The following PEAK1 variants were observed in gnomAD, a reference collection of about 807,000 sequenced individuals.
The protein encoded by PEAK1 is inactive tyrosine-protein kinase PEAK1.
Under a neutral mutation model 124.7 loss-of-function variants are expected in PEAK1, and 54 were observed. The observed-to-expected ratio is 0.43, with a 90% CI of 0.35 to 0.54. The LOEUF is 0.54. Among genes scored for constraint, PEAK1 ranks in the 20% least tolerant of loss-of-function variants. The probability of loss-of-function intolerance (pLI) is 0.01; values close to 1 mark genes in which losing one functional copy is unlikely to be tolerated. For synonymous variants in PEAK1, 719 were observed against 760.0 expected, an observed-to-expected ratio of 0.95 and a Z score of 0.89; for missense variants, 2,046 against 2,134.5, an observed-to-expected ratio of 0.96 and a Z score of 0.82.
chr15:77,258,172 G>A (rs564298058), intron 5 of PEAK1, among the ~76,000 whole-genome samples: 13 of 152,298 alleles, frequency 8.5e-5, no homozygotes, highest in Admixed American at 5.9e-4. Context: ...GATGCCTCCA[G>A]CTTTGTTCTT....
At chr15:77,336,364 G>A (rs1285590151) in intron 2 of PEAK1, 1 of 985,286 alleles carries the variant, frequency 1.0e-6, no homozygotes, top group African/African-American at 1.7e-5. Flanking sequence ...TCTCATTATA[G>A]AGACGTTTAC....
chr15:77,105,317 GGT>G (rs67540842), downstream of PEAK1: 11,587 of 145,010 alleles, frequency 0.08, 1,141 homozygotes, highest in African/African-American at 0.24. Context: ...GCCATTAGTT[GGT>G]GTGTGTGTGT....
chr15:77,294,709 T>C (rs1379369248), intron 2 of PEAK1, among the ~76,000 whole-genome samples: 4 of 152,200 alleles, frequency 2.6e-5, no homozygotes, highest in Non-Finnish European at 5.9e-5. Flanking sequence ...ATACCAATAA[T>C]ATGAATTAAA....
At chr15:77,104,525 G>A (rs887900896), downstream of PEAK1, 11 of 152,402 alleles carry the variant, frequency 7.2e-5, no homozygotes, top group Admixed American at 5.2e-4. Flanking sequence ...GGAACGATGC[G>A]GGTGCAGAGA....
chr15:77,153,385 A>G (rs1405667482), intron 8 of PEAK1, among the ~76,000 whole-genome samples: 1 of 151,382 alleles, frequency 6.6e-6, no homozygotes, highest in African/African-American at 2.4e-5. Flanking sequence ...TCTCTTCTTT[A>G]TTAGTCTTGC....
At chr15:77,336,543 G>A in intron 2 of PEAK1, 1 of 985,280 alleles carries the variant, frequency 1.0e-6, no homozygotes, top group South Asian at 4.7e-5. Flanking sequence ...ATGAAATATA[G>A]AGTCTGTGAA....
intron 5 of PEAK1, among the ~76,000 whole-genome samples, chr15:77,257,577 TG>T (rs1321635558): frequency 1.3e-5 from 2 of 151,764 alleles, no homozygotes; most frequent in African/African-American, 4.9e-5. Flanking sequence ...TGGGGTTGTT[TG>T]TTTTTTTCTT....
intron 2 of PEAK1, among the ~76,000 whole-genome samples, chr15:77,290,451 C>T (rs2063155716): frequency 6.6e-6 from 1 of 152,070 alleles, no homozygotes; most frequent in Non-Finnish European, 1.5e-5. Flanking sequence ...CAGGGTTTCA[C>T]CATGTTGGCC....
At chr15:77,219,213 T>A (rs1040172211) in intron 6 of PEAK1, among the ~76,000 whole-genome samples, 3 of 151,252 alleles carry the variant, frequency 2.0e-5, no homozygotes, top group Non-Finnish European at 4.4e-5. Flanking sequence ...AGGTGGGAGG[T>A]AATGAGGTTT....
chr15:77,251,133 T>C (rs1163073448), intron 6 of PEAK1, among the ~76,000 whole-genome samples: 2 of 152,194 alleles, frequency 1.3e-5, no homozygotes, highest in Admixed American at 1.3e-4. Flanking sequence ...ATCAAATTAG[T>C]AGAAATCCAA....
intron 1 of PEAK1, among the ~76,000 whole-genome samples, chr15:77,381,697 T>C (rs766481720): frequency 2.6e-4 from 39 of 152,310 alleles, no homozygotes; most frequent in Admixed American, 1.1e-3. Context: ...GAAGGAGCAA[T>C]TTCAGAAGTA....
intron 5 of PEAK1, among the ~76,000 whole-genome samples, chr15:77,260,774 G>A (rs962874934): frequency 6.6e-6 from 1 of 152,190 alleles, no homozygotes; most frequent in Admixed American, 6.5e-5. Flanking sequence ...GAAGAGAGTA[G>A]TGGTTCTCCC....
rs560295484 is a variant in PEAK1 at position 77,369,786 on chromosome 15, C to T, written c.-665-4561G>A. On this transcript the variant is annotated intron_variant, in intron 1 of 9. Coordinates refer to ENST00000682557, the MANE Select transcript of PEAK1 (RefSeq NM_001385026.1). Reference sequence around the variant, plus strand: ...AACTGGAAGGAGGCATGAAGACCATCTTTCCTTCCCATGATATTGCAAAGG... The same window carrying T: ...AACTGGAAGGAGGCATGAAGACCATTTTTCCTTCCCATGATATTGCAAAGG... Among the ~76,000 whole-genome samples, 356 of 152,192 alleles carry T rather than the reference C, an allele frequency of 2.3e-3. 1 individual carries two copies. Among genetic ancestry groups the T allele is most frequent in the Non-Finnish European group, 3.0e-3 (204 of 68,020 alleles).
intron 1 of PEAK1, among the ~76,000 whole-genome samples, chr15:77,396,376 C>G (rs773042389): frequency 2.6e-5 from 4 of 151,568 alleles, no homozygotes; most frequent in Non-Finnish European, 5.9e-5. Context: ...ACAAAACAAC[C>G]AGGAAACAAA....
At chr15:77,413,075 T>C (rs546069804) in intron 1 of PEAK1, among the ~76,000 whole-genome samples, 7 of 152,144 alleles carry the variant, frequency 4.6e-5, no homozygotes, top group South Asian at 4.1e-4. Context: ...GTAGAAAGAA[T>C]GAGGAAAATT....
At chr15:77,382,652 T>C (rs372751250) in intron 1 of PEAK1, among the ~76,000 whole-genome samples, 51 of 152,314 alleles carry the variant, frequency 3.3e-4, no homozygotes, top group African/African-American at 1.2e-3. Context: ...AAATGGTCAT[T>C]AGTTTCCAGT....
chr15:77,260,138 T>C (rs1049837004), intron 5 of PEAK1, among the ~76,000 whole-genome samples: 3 of 151,882 alleles, frequency 2.0e-5, no homozygotes, highest in African/African-American at 7.3e-5. Flanking sequence ...AACCCAAATA[T>C]ACAAAGCAAT....
intron 2 of PEAK1, among the ~76,000 whole-genome samples, chr15:77,362,338 T>C (rs2067944669): frequency 6.6e-6 from 1 of 152,120 alleles, no homozygotes; most frequent in African/African-American, 2.4e-5. Context: ...CAATTATTAT[T>C]GTCAATTAAA....
At chr15:77,368,427 G>C (rs1015004150) in intron 1 of PEAK1, among the ~76,000 whole-genome samples, 6 of 151,672 alleles carry the variant, frequency 4.0e-5, no homozygotes, top group South Asian at 2.1e-4. Flanking sequence ...CTGAGGCGGG[G>C]GAATTGCTTG....
Sources: allele counts gnomAD v4.1 joint callset (sites outside exome capture counted in the v4.1 genomes callset), GRCh38; gene constraint gnomAD v4.1.1; transcripts MANE v1.5; gene names NCBI Gene and HGNC (gene_info 2026-07-23, HGNC 2026-07-21).